The following NEK10 variants were observed in gnomAD, a reference collection of about 807,000 sequenced individuals.
The protein encoded by NEK10 is serine/threonine-protein kinase Nek10.
A neutral mutation model predicts 159.8 loss-of-function variants in NEK10; 122 were observed. The observed-to-expected ratio is 0.76, with a 90% confidence interval of 0.66 to 0.89. The LOEUF is 0.89. NEK10 is among the 40% of genes least tolerant of loss of function. The pLI, the probability that NEK10 is intolerant of heterozygous loss-of-function variation, is 0.00. For synonymous variants in NEK10, 466 were observed against 457.1 expected (o/e 1.02, Z -0.25); for missense variants, 1,342 against 1,323.1 (o/e 1.01, Z -0.22).
At chr3:27,290,205 C>A (rs969961898) in intron 19 of NEK10, among the ~76,000 whole-genome samples, 4 of 152,110 alleles carry the variant, frequency 2.6e-5, no homozygotes, top group African/African-American at 9.7e-5. Flanking sequence ...CATTTTAGAT[C>A]TAATAAAGTC....
chr3:27,345,628 G>T (rs1479544420), intron 4 of NEK10, among the ~76,000 whole-genome samples: 2 of 152,176 alleles, frequency 1.3e-5, no homozygotes, highest in African/African-American at 4.8e-5. Flanking sequence ...CAACAGAGAT[G>T]AACATTACCT....
chr3:27,292,171 T>C (rs982263083), intron 16 of NEK10, among the ~76,000 whole-genome samples: 15 of 152,264 alleles, frequency 9.9e-5, no homozygotes, highest in Admixed American at 9.8e-4. Flanking sequence ...ACTTAAAATT[T>C]TAAGAAGGTA....
At chr3:27,132,044 T>G (rs752287064) in intron 31 of NEK10, 54 bp from the exon 32 acceptor site, 3 of 1,002,866 alleles carry the variant, frequency 3.0e-6, no homozygotes, top group Non-Finnish European at 4.7e-6. Context: ...ACTACACAGC[T>G]GACTACAAAA....
At chr3:27,356,703 G>A (rs755915998) in intron 1 of NEK10, among the ~76,000 whole-genome samples, 3 of 152,054 alleles carry the variant, frequency 2.0e-5, no homozygotes, top group Non-Finnish European at 4.4e-5. Context: ...GGTCAGATGT[G>A]CTCTCCTAAG....
intron 31 of NEK10, among the ~76,000 whole-genome samples, chr3:27,141,218 G>A (rs947952389): frequency 3.3e-5 from 5 of 152,104 alleles, no homozygotes; most frequent in African/African-American, 1.2e-4. Flanking sequence ...CCCTACAGGA[G>A]GGCCATTTAT....
chr3:27,327,731 C>T (rs1392744896), intron 5 of NEK10, among the ~76,000 whole-genome samples: 2 of 152,188 alleles, frequency 1.3e-5, no homozygotes, highest in African/African-American at 4.8e-5. Context: ...GTAGCACACT[C>T]TGTCTTTTTC....
At chr3:27,129,464 C>G (rs1457964404) in intron 32 of NEK10, among the ~76,000 whole-genome samples, 1 of 152,030 alleles carries the variant, frequency 6.6e-6, no homozygotes, top group Non-Finnish European at 1.5e-5. Flanking sequence ...TATGGTTACA[C>G]AGGGAATGAA....
intron 30 of NEK10, chr3:27,162,182 T>C (rs1946072893): frequency 2.3e-6 from 1 of 430,152 alleles, no homozygotes; most frequent in Non-Finnish European, 4.2e-6. Context: ...TGTAGGTATG[T>C]ACTTGAAGCA....
chr3:27,364,238 A>T (rs2149897227), intron 1 of NEK10, among the ~76,000 whole-genome samples: 1 of 152,072 alleles, frequency 6.6e-6, no homozygotes, highest in South Asian at 2.1e-4. Context: ...GCAGTGGCAC[A>T]ATCTTGGCTC....
intron 23 of NEK10, among the ~76,000 whole-genome samples, chr3:27,241,774 G>A (rs1385131201): frequency 6.6e-6 from 1 of 152,236 alleles, no homozygotes; most frequent in Non-Finnish European, 1.5e-5. Context: ...AACCCAGCAA[G>A]GTTAGGCAAA....
chr3:27,291,084 T>C (rs182999333), intron 18 of NEK10, among the ~76,000 whole-genome samples, 178 bp downstream of exon 18: 100 of 152,384 alleles, frequency 6.6e-4, no homozygotes, highest in Non-Finnish European at 2.9e-4. Context: ...TTCTAGAGCT[T>C]ACAGCTAAAA....
chr3:27,356,016 G>A (rs1164029449), intron 1 of NEK10, among the ~76,000 whole-genome samples: 1 of 152,196 alleles, frequency 6.6e-6, no homozygotes. Flanking sequence ...GTCCTCATGA[G>A]TGGGTTTAGT....
intron 30 of NEK10, chr3:27,162,197 T>C: frequency 2.1e-6 from 1 of 475,646 alleles, no homozygotes; most frequent in South Asian, 3.1e-5. Context: ...GAAGCATCAA[T>C]AGGTCAACTG....
At chr3:27,261,686 G>T (rs536959374) in intron 22 of NEK10, among the ~76,000 whole-genome samples, 158 of 152,324 alleles carry the variant, frequency 1.0e-3, no homozygotes, top group African/African-American at 3.5e-3. Context: ...GTGCTGAAAA[G>T]AATGGATATT....
At chr3:27,238,530 T>C (rs1007719121) in intron 23 of NEK10, among the ~76,000 whole-genome samples, 1 of 152,238 alleles carries the variant, frequency 6.6e-6, no homozygotes, top group South Asian at 2.1e-4. Flanking sequence ...TATTTTGTTA[T>C]ATGTATTCAT....
intron 32 of NEK10, among the ~76,000 whole-genome samples, chr3:27,126,380 T>C (rs966136894): frequency 2.0e-4 from 31 of 152,134 alleles, no homozygotes; most frequent in African/African-American, 4.3e-4. Context: ...ATCAGTAACA[T>C]AAGGGAACTA....
At chr3:27,215,107 C>A in intron 23 of NEK10, 1 of 445,456 alleles carries the variant, frequency 2.2e-6, no homozygotes. Context: ...TCTTTAAAAG[C>A]ATTACCCTTG....
At chr3:27,187,344 C>T (rs1575156276) in intron 26 of NEK10, among the ~76,000 whole-genome samples, 5 of 152,186 alleles carry the variant, frequency 3.3e-5, no homozygotes, top group East Asian at 1.9e-4. Context: ...CAAAAGAGAA[C>T]GACATAATTG....
intron 10 of NEK10, among the ~76,000 whole-genome samples, chr3:27,308,434 CA>C (rs1397634995): frequency 6.6e-6 from 1 of 151,858 alleles, no homozygotes; most frequent in Non-Finnish European, 1.5e-5. Flanking sequence ...GAGAAGAGAT[CA>C]AAAAACAAAA....
Sources: gnomAD v4.1 joint callset for allele counts (sites outside exome capture counted in the v4.1 genomes callset) on GRCh38, gnomAD v4.1.1 for gene constraint, MANE v1.5 for transcripts, NCBI Gene and HGNC (gene_info 2026-07-23, HGNC 2026-07-21) for gene names.